TCERG1: variants seen among roughly 807,000 people sequenced by gnomAD.
TCERG1 encodes transcription elongation regulator 1.
A neutral mutation model predicts 144.7 loss-of-function variants in TCERG1; 37 were observed. That is an observed-to-expected ratio of 0.26 (90% CI 0.20 to 0.34). The LOEUF is 0.34. Ranked by LOEUF, TCERG1 falls within the 10% of genes least tolerant of loss-of-function variation. The probability of loss-of-function intolerance (pLI) is 1.00; values close to 1 mark genes in which losing one functional copy is unlikely to be tolerated. For synonymous variants in TCERG1, 492 were observed against 458.2 expected (o/e 1.07, Z -0.94); for missense variants, 1,027 against 1,380.7 (o/e 0.74, Z 4.06).
intron 19 of TCERG1, 60 bp from the exon 20 acceptor site, chr5:146,506,968 G>A: frequency 1.4e-6 from 2 of 1,412,382 alleles, no homozygotes; most frequent in South Asian, 1.7e-5. Context: ...GGACATGGAA[G>A]TGCAAATGGA....
chr5:146,478,780 A>G (rs1392336060), intron 10 of TCERG1, 127 bp downstream of exon 10: 1 of 882,916 alleles, frequency 1.1e-6, no homozygotes, highest in Admixed American at 3.4e-5. Context: ...AAAAAAATAG[A>G]CTGCTATCCT....
rs1335337142 is a variant in TCERG1, at chr5:146,511,599, A to C, written c.*957A>C. On this transcript the variant is annotated 3_prime_UTR_variant, in exon 23 of 23. Transcript: ENST00000679501. ...AGCAAATAGAATTTCCCACAAAGTAAGTTGACTCTAAATCTTAAGTATTAC... is the reference window on the plus strand; with the variant it reads ...AGCAAATAGAATTTCCCACAAAGTACGTTGACTCTAAATCTTAAGTATTAC... The C allele has an allele frequency of 1.3e-5, 2 of 152,654 alleles. No individual in the cohort carries two copies. The highest frequency in any genetic ancestry group is 2.9e-5 in the Non-Finnish European group (2 of 68,038). The allele number at this position is 152,654 out of a possible 1,614,324, so 9.5% of individuals were successfully genotyped here.
chr5:146,488,007 G>A (rs1766010112), intron 15 of TCERG1, among the ~76,000 whole-genome samples: 1 of 152,238 alleles, frequency 6.6e-6, no homozygotes, highest in East Asian at 1.9e-4. Flanking sequence ...GGCAAGAACA[G>A]TCTCTTCAAT....
rs140206629 is a variant in TCERG1, at chr5:146,457,268, C to T, written c.371C>T (p.Ala124Val). Residue 124 changes from alanine (A) to valine (V), a missense_variant, in exon 3 of 23, where the codon GCT becomes GTT. Physicochemically the swap from Ala to Val is moderately conservative, Grantham distance 64 (BLOSUM62 0). Transcript: ENST00000679501. Reference protein sequence around the residue: ...MFPPGMPPVTAPGTPALPPTE... With the variant: ...MFPPGMPPVTVPGTPALPPTE... ...CCACCAGGAATGCCTCCTGTGACTG[C>T]TCCTGGTACTCCAGCACTACCTCCT... is the stretch of plus-strand genomic sequence containing the variant. The T allele has an allele frequency of 6.2e-7, 1 of 1,614,098 alleles. No individual in the cohort carries two copies. Among genetic ancestry groups the T allele is most frequent in the South Asian group, 1.1e-5 (1 of 91,084 alleles).
intron 1 of TCERG1, among the ~76,000 whole-genome samples, chr5:146,452,750 C>T (rs1187718399): frequency 3.3e-5 from 5 of 152,132 alleles, no homozygotes; most frequent in South Asian, 2.1e-4. Flanking sequence ...CCACCATGCC[C>T]GGCTAATTTT....
At chr5:146,463,890 T>G in intron 5 of TCERG1, 97 bp downstream of exon 5, 1 of 1,529,416 alleles carries the variant, frequency 6.5e-7, no homozygotes, top group Non-Finnish European at 8.9e-7. Flanking sequence ...TTGCCTTGAA[T>G]CTCACCTGTT....
chr5:146,486,963 G>A (rs1474286376), intron 15 of TCERG1, among the ~76,000 whole-genome samples: 1 of 152,036 alleles, frequency 6.6e-6, no homozygotes, highest in Non-Finnish European at 1.5e-5. Context: ...GGTGGTGCAT[G>A]CCTTTCATCC....
At chr5:146,469,917 T>A (rs1764131578) in intron 7 of TCERG1, 173 bp downstream of exon 7, 1 of 469,428 alleles carries the variant, frequency 2.1e-6, no homozygotes, top group African/African-American at 2.0e-5. Context: ...AAACTAGTTC[T>A]ACTTACATGT....
intron 16 of TCERG1, among the ~76,000 whole-genome samples, chr5:146,498,300 TAATAATAATA>T (rs1767121980): frequency 6.6e-6 from 1 of 151,898 alleles, no homozygotes. Context: ...TTTTTTTTTT[TAATAATAATA>T]TTTATTCTCC....
intron 5 of TCERG1, among the ~76,000 whole-genome samples, chr5:146,467,753 A>G (rs1325078390): frequency 2.6e-5 from 4 of 152,208 alleles, no homozygotes; most frequent in African/African-American, 7.2e-5. Context: ...GTGAAATGCT[A>G]CCTTCCTCTT....
At position 146,490,874 on chromosome 5, in the gene TCERG1, A is replaced by G. The variant is rs897477545; in HGVS notation, c.2164-2046A>G. 2.0e-5 allele frequency among the ~76,000 whole-genome samples: 3 copies of G among 151,966 alleles called. No individual in the cohort carries two copies. In the East Asian group the frequency reaches 5.8e-4, roughly 29 times the overall value. On this transcript the variant is annotated intron_variant, in intron 15 of 22. Coordinates refer to ENST00000679501, the MANE Select transcript of TCERG1 (RefSeq NM_001382548.1). ...TTGGATAATTTCCTTGCCTTTATTA[A>G]CCAACTATTTAGATTTTTAAAATTT... is the stretch of plus-strand genomic sequence containing the variant.
At chr5:146,466,658 A>G (rs930175306) in intron 5 of TCERG1, among the ~76,000 whole-genome samples, 1 of 152,180 alleles carries the variant, frequency 6.6e-6, no homozygotes, top group Non-Finnish European at 1.5e-5. Flanking sequence ...ATCTGCATGT[A>G]ATCACTTTGA....
intron 15 of TCERG1, among the ~76,000 whole-genome samples, chr5:146,491,234 G>C (rs911398133): frequency 6.6e-6 from 1 of 151,708 alleles, no homozygotes; most frequent in African/African-American, 2.4e-5. Flanking sequence ...TGATCCTCCT[G>C]CCTTGCCCTC....
At chr5:146,481,053 A>G (rs1765325880) in intron 12 of TCERG1, 97 bp from the exon 13 acceptor site, 1 of 352,022 alleles carries the variant, frequency 2.8e-6, no homozygotes, top group African/African-American at 2.2e-5. Context: ...TTTATGTACC[A>G]TAATTTTGGA....
At chr5:146,451,319 C>CTT (rs56346846) in intron 1 of TCERG1, among the ~76,000 whole-genome samples, 10,170 of 138,820 alleles carry the variant, frequency 0.073, 442 homozygotes, top group Non-Finnish European at 0.086. Flanking sequence ...ATCCATATTC[C>CTT]TTTTTTTTTT....
chr5:146,492,898 A>G (rs748674933), intron 15 of TCERG1, 22 bp from the exon 16 acceptor site: 3 of 1,560,648 alleles, frequency 1.9e-6, no homozygotes, highest in Admixed American at 1.8e-5. Context: ...TGACTTGTCA[A>G]ATTTGTTGAT....
At chr5:146,465,313 C>T in intron 5 of TCERG1, among the ~76,000 whole-genome samples, 1 of 152,208 alleles carries the variant, frequency 6.6e-6, no homozygotes, top group South Asian at 2.1e-4. Flanking sequence ...TGAGAGGTAG[C>T]ATGATAATGT....
intron 14 of TCERG1, 119 bp from the exon 15 acceptor site, chr5:146,483,421 C>A: frequency 1.2e-6 from 1 of 828,062 alleles, no homozygotes; most frequent in Non-Finnish European, 1.8e-6. Flanking sequence ...GTGATGGAAA[C>A]TTCAGTATGG....
rs75282005 is a variant in TCERG1 at position 146,498,089 on chromosome 5, G to A, written c.2283-447G>A. Among the ~76,000 whole-genome samples, 1,514 of 151,816 alleles carry A rather than the reference G, an allele frequency of 1.0e-2. 12 individuals carry two copies. Among genetic ancestry groups the A allele is most frequent in the African/African-American group, 0.035 (1,443 of 41,302 alleles). On this transcript the variant is annotated intron_variant, in intron 16 of 22. Coordinates refer to ENST00000679501, the MANE Select transcript of TCERG1 (RefSeq NM_001382548.1). ...AATTTCCCTTCTTTCAGGCATTTCA[G>A]TCTTACTCTTTCTGTTGTCTACTCC...
Sources: gnomAD v4.1 joint callset for allele counts (sites outside exome capture counted in the v4.1 genomes callset) on GRCh38, gnomAD v4.1.1 for gene constraint, MANE v1.5 for transcripts, NCBI Gene and HGNC (gene_info 2026-07-23, HGNC 2026-07-21) for gene names.